Variants in SIM1 observed in about 807,000 individuals in gnomAD.
SIM1 encodes single-minded homolog 1.
In SIM1, 18 loss-of-function variants were observed where a neutral mutation model predicts 78.2. The observed-to-expected ratio is 0.23, with a 90% CI of 0.16 to 0.34. The LOEUF (loss-of-function observed/expected upper bound fraction) is 0.34, where lower values mean the gene tolerates loss of function less well. SIM1 is among the 10% of genes least tolerant of loss of function. The pLI, the probability that SIM1 is intolerant of heterozygous loss-of-function variation, is 1.00. For missense variants in SIM1, 939 were observed against 975.1 expected (o/e 0.96, Z 0.49); for synonymous variants, 417 against 385.2 (o/e 1.08, Z -0.97).
rs534017648 is a variant in SIM1, at chr6:100,389,870, T to C, written c.*491A>G. Reference sequence around the variant, plus strand: ...AAGATGTATCTCTCTCTTTCTCAGTTATTTTGGGAATGGAAATTTCGTTAA... The same window carrying C: ...AAGATGTATCTCTCTCTTTCTCAGTCATTTTGGGAATGGAAATTTCGTTAA... On this transcript the variant is annotated 3_prime_UTR_variant, in exon 12 of 12. Transcript: ENST00000369208. 1.0e-5 allele frequency: 4 copies of C among 398,450 alleles called. No homozygotes were observed. In the South Asian group the frequency reaches 5.6e-4, roughly 56 times the overall value. The allele number at this position is 398,450 out of a possible 1,614,324, so 24.7% of individuals were successfully genotyped here.
rs1562239641 is a variant in SIM1 at position 100,412,610 on chromosome 6, AGGAAAGAAAGAAG to A, written c.1167+8167_1167+8179del. ...AAGAAAGAAAGAAAGAAAGAAAGAA[AGGAAAGAAAGAAG>A]GAAAGAAAGAAAGAAAAGAAAGAAA... On this transcript the variant is annotated intron_variant, in intron 10 of 11. Coordinates refer to ENST00000369208, the MANE Select transcript of SIM1 (RefSeq NM_005068.3). 1.3e-3 allele frequency among the ~76,000 whole-genome samples: 122 copies of A among 96,246 alleles called. 6 individuals are homozygous for A. Among genetic ancestry groups the A allele is most frequent in the African/African-American group, 4.7e-3 (116 of 24,710 alleles). The allele number at this position is 96,246 out of a possible 152,430, so 63.1% of individuals were successfully genotyped here.
rs111890764 is a variant in SIM1 at position 100,449,607 on chromosome 6, G to A, written c.441C>T (p.His147=). The part of the protein sequence containing the change: ...TAVLTAHQPY[H]SHFVQEYEIE... Reference sequence around the variant, plus strand: ...CTACCTTACCCTGCACGAAGTGAGAGTGGTAGGGTTGATGGGCGGTGAGCA... The same window carrying A: ...CTACCTTACCCTGCACGAAGTGAGAATGGTAGGGTTGATGGGCGGTGAGCA... Residue 147 remains histidine, a synonymous_variant, in exon 5 of 12, where the codon CAC becomes CAT. Coordinates refer to ENST00000369208, the MANE Select transcript of SIM1 (RefSeq NM_005068.3). 4 of 1,613,874 alleles carry A rather than the reference G, an allele frequency of 2.5e-6. No homozygotes were observed. Among genetic ancestry groups the A allele is most frequent in the East Asian group, 2.2e-5 (1 of 44,888 alleles).
intron 10 of SIM1, among the ~76,000 whole-genome samples, chr6:100,419,596 C>T (rs1170191792): frequency 6.6e-6 from 1 of 152,100 alleles, no homozygotes; most frequent in East Asian, 1.9e-4. Flanking sequence ...TGACAAAGGC[C>T]ACCTTGATGA....
chr6:100,416,328 A>T, intron 10 of SIM1, among the ~76,000 whole-genome samples: 1 of 152,184 alleles, frequency 6.6e-6, no homozygotes, highest in East Asian at 1.9e-4. Flanking sequence ...TAATTCCAAA[A>T]AGCAGTGTTA....
chr6:100,419,902 A>T (rs1422431760), intron 10 of SIM1, among the ~76,000 whole-genome samples: 1 of 152,102 alleles, frequency 6.6e-6, no homozygotes, highest in African/African-American at 2.4e-5. Context: ...CGACCTCCCA[A>T]AGTGCTGGGA....
At position 100,450,277 on chromosome 6, in the gene SIM1, C is replaced by T. The variant is rs1321383402; in HGVS notation, c.338G>A (p.Gly113Asp). 6.2e-7 allele frequency: 1 copy of T among 1,613,976 alleles called. No individual in the cohort carries two copies. Among genetic ancestry groups the T allele is most frequent in the Non-Finnish European group, 8.5e-7 (1 of 1,179,934 alleles). ...GAACCACTCACCTACCTGAGAAAGA[C>T]CCAAGTGGACTGAGGCTGTCTCTGA... The part of the protein sequence containing the change: ...YISETASVHL[G>D]LSQVELTGNS... The change falls in exon 4 of 12, where the codon GGT becomes GAT. Residue 113 changes from glycine to aspartate, a missense_variant. Coordinates refer to ENST00000369208, the MANE Select transcript of SIM1 (RefSeq NM_005068.3).
Position 100,393,611 on chromosome 6 carries a change from C to T in SIM1, c.1446G>A (p.Pro482=). 1 of 1,614,122 alleles carries T rather than the reference C, an allele frequency of 6.2e-7. No homozygotes were observed. Among genetic ancestry groups the T allele is most frequent in the Non-Finnish European group, 8.5e-7 (1 of 1,179,936 alleles). The change falls in exon 11 of 12, where the codon CCG becomes CCA. Residue 482 remains proline (P), a synonymous_variant. Transcript: ENST00000369208. ...CCCACCAGGGCTCCCTCCCGGCCTG[C>T]GGCGTTCCCAGGAAGTACCTGCCTG... The part of the protein sequence containing the change: ...CEAGRYFLGT[P]QAGREPWWGS...
intron 10 of SIM1, among the ~76,000 whole-genome samples, chr6:100,407,231 C>T (rs954583860): frequency 3.3e-5 from 5 of 152,164 alleles, no homozygotes; most frequent in Admixed American, 6.5e-5. Context: ...ATACAGTATT[C>T]GTCTTTCTCT....
intron 9 of SIM1, among the ~76,000 whole-genome samples, chr6:100,433,740 C>CCACCCACACACACACACA (rs1554222892): frequency 1.6e-5 from 2 of 124,292 alleles, no homozygotes; most frequent in African/African-American, 6.1e-5. Flanking sequence ...ACCCCCCCAC[C>CCACCCACACACACACACA]CACACACACA....
intron 11 of SIM1, among the ~76,000 whole-genome samples, chr6:100,391,498 T>C (rs1262008557): frequency 1.3e-5 from 2 of 152,220 alleles, no homozygotes; most frequent in African/African-American, 4.8e-5. Flanking sequence ...CATGTTAAAT[T>C]GATGCTTGAA....
intron 10 of SIM1, among the ~76,000 whole-genome samples, chr6:100,398,685 C>T (rs1215059029): frequency 1.3e-5 from 2 of 152,040 alleles, no homozygotes; most frequent in East Asian, 3.8e-4. Context: ...ATTGATGACA[C>T]TTGGGTTGCT....
intron 9 of SIM1, among the ~76,000 whole-genome samples, chr6:100,422,768 G>T (rs1024533451): frequency 9.2e-5 from 14 of 152,050 alleles, no homozygotes; most frequent in African/African-American, 3.4e-4. Flanking sequence ...TTTCCACAAT[G>T]TATACATACA....
intron 10 of SIM1, among the ~76,000 whole-genome samples, chr6:100,402,824 C>T (rs1043520877): frequency 6.6e-6 from 1 of 152,074 alleles, no homozygotes; most frequent in Non-Finnish European, 1.5e-5. Flanking sequence ...GATCCACCCG[C>T]CTCGGCCTCC....
intron 3 of SIM1, 99 bp from the exon 4 acceptor site, chr6:100,450,455 G>C: frequency 9.8e-7 from 1 of 1,017,304 alleles, no homozygotes; most frequent in Non-Finnish European, 1.5e-6. Context: ...CAAAAGTGTA[G>C]AGAGATGGAG....
intron 9 of SIM1, among the ~76,000 whole-genome samples, chr6:100,446,781 T>C (rs1002012334): frequency 1.5e-4 from 23 of 152,188 alleles, no homozygotes; most frequent in Non-Finnish European, 2.1e-4. Flanking sequence ...TCCTGGTCAC[T>C]TAAGCCCCCT....
chr6:100,462,100 C>T (rs1297450274), intron 2 of SIM1, among the ~76,000 whole-genome samples: 1 of 151,876 alleles, frequency 6.6e-6, no homozygotes, highest in Non-Finnish European at 1.5e-5. Context: ...ATGTCATGAT[C>T]AAGCAAAGTG....
chr6:100,432,290 T>C (rs1771924733), intron 9 of SIM1, among the ~76,000 whole-genome samples: 1 of 152,228 alleles, frequency 6.6e-6, no homozygotes, highest in Non-Finnish European at 1.5e-5. Context: ...CACAGCTTGC[T>C]GGGCTGTTTC....
At chr6:100,448,720 G>A (rs1373637262) in intron 6 of SIM1, 42 bp from the exon 7 acceptor site, 2 of 1,568,588 alleles carry the variant, frequency 1.3e-6, no homozygotes, top group Non-Finnish European at 1.7e-6. Context: ...CCACAGGTAG[G>A]AAGAGCCCCC....
At chr6:100,430,391 C>T (rs3798498) in intron 9 of SIM1, among the ~76,000 whole-genome samples, 78,588 of 151,952 alleles carry the variant, frequency 0.52, 21,436 homozygotes, top group South Asian at 0.67. Flanking sequence ...AATATGCTGC[C>T]CTTTCAAATG....
Sources: gnomAD v4.1 joint callset for allele counts (sites outside exome capture counted in the v4.1 genomes callset) on GRCh38, gnomAD v4.1.1 for gene constraint, MANE v1.5 for transcripts, NCBI Gene and HGNC (gene_info 2026-07-23, HGNC 2026-07-21) for gene names.